SLC5A12: variants seen among roughly 807,000 people sequenced by gnomAD.
SLC5A12 encodes the protein solute carrier family 5 member 12, also known as sodium-coupled monocarboxylate transporter 2.
SLC5A12 carries 46 observed loss-of-function variants against 72.7 expected under a neutral mutation model. The ratio of observed to expected loss-of-function variants is 0.63; its 90% CI spans 0.50 to 0.81. SLC5A12 has a LOEUF of 0.81. Ranked by LOEUF, SLC5A12 falls within the 30% of genes least tolerant of loss-of-function variation. The probability of loss-of-function intolerance (pLI) is 0.00; values close to 1 mark genes in which losing one functional copy is unlikely to be tolerated. For missense variants in SLC5A12, 683 were observed against 740.7 expected (o/e 0.92, Z 0.90); for synonymous variants, 275 against 264.4 (o/e 1.04, Z -0.39).
At chr11:26,712,788 C>T in intron 1 of SLC5A12, 82 bp from the exon 2 acceptor site, 3 of 815,710 alleles carry the variant, frequency 3.7e-6, no homozygotes, top group South Asian at 2.2e-5. Context: ...TTGGTATATC[C>T]TCTGTTGTGC....
intron 11 of SLC5A12, among the ~76,000 whole-genome samples, chr11:26,682,417 T>C (rs1452268717): frequency 6.6e-6 from 1 of 152,136 alleles, no homozygotes; most frequent in African/African-American, 2.4e-5. Context: ...GGTTGATCTA[T>C]AATGGCTAGC....
chr11:26,677,564 A>T (rs1187223491), intron 13 of SLC5A12, among the ~76,000 whole-genome samples: 3 of 152,216 alleles, frequency 2.0e-5, no homozygotes, highest in African/African-American at 7.2e-5. Context: ...TACTAAGGCA[A>T]AATCTAAACA....
intron 14 of SLC5A12, among the ~76,000 whole-genome samples, chr11:26,671,896 C>G (rs545365988): frequency 6.6e-6 from 1 of 152,288 alleles, no homozygotes; most frequent in South Asian, 2.1e-4. Context: ...GCTTAACCAG[C>G]TGCCTTCTCA....
At chr11:26,697,603 G>T (rs981845908) in intron 7 of SLC5A12, among the ~76,000 whole-genome samples, 3 of 152,118 alleles carry the variant, frequency 2.0e-5, no homozygotes, top group Admixed American at 6.5e-5. Context: ...GAAGGCAAAT[G>T]ATTACTTCCC....
At position 26,678,697 on chromosome 11, in the gene SLC5A12, G is replaced by T. The variant is rs752055288; in HGVS notation, c.1579+15C>A. 1 of 1,594,378 alleles carries T rather than the reference G, an allele frequency of 6.3e-7. No individual in the cohort carries two copies. Among genetic ancestry groups the T allele is most frequent in the South Asian group, 1.1e-5 (1 of 90,298 alleles). ...CATATCTTCTTTAGTCCCAAAGGGA[G>T]GAATTATAACCAACCTGTTATGAGG... On this transcript the variant is annotated intron_variant, in intron 13 of 14. Coordinates refer to ENST00000396005, the MANE Select transcript of SLC5A12 (RefSeq NM_178498.4).
chr11:26,722,457 CT>C (rs1368909781), upstream of SLC5A12, among the ~76,000 whole-genome samples: 2 of 152,274 alleles, frequency 1.3e-5, no homozygotes, highest in Admixed American at 6.5e-5. Context: ...CTTCCTGACT[CT>C]CTTTGTCTTG....
chr11:26,706,799 ATATAAT>A lies in SLC5A12; in HGVS notation c.525+2507_525+2512del, dbSNP rs560715654. ...TCTTTTTTCTAAATTTCAAAATGGC[ATATAAT>A]TATAATTATAATTATTGATATATTT... On this transcript the variant is annotated intron_variant, in intron 4 of 14. Transcript: ENST00000396005. 1.6e-4 allele frequency among the ~76,000 whole-genome samples: 24 copies of A among 150,758 alleles called. No homozygotes were observed. The East Asian group carries it at 2.9e-3, about 18-fold the overall frequency.
At chr11:26,688,422 T>C (rs1854588421) in intron 9 of SLC5A12, among the ~76,000 whole-genome samples, 1 of 152,070 alleles carries the variant, frequency 6.6e-6, no homozygotes, top group Non-Finnish European at 1.5e-5. Context: ...CAGCTCTAAC[T>C]CAGAGAGTGA....
chr11:26,708,452 C>A (rs1245226058), intron 4 of SLC5A12, among the ~76,000 whole-genome samples: 1 of 151,942 alleles, frequency 6.6e-6, no homozygotes, highest in African/African-American at 2.4e-5. Flanking sequence ...AAAGATCAGG[C>A]TATTTTAAAA....
chr11:26,720,384 C>T (rs1855452135), intron 1 of SLC5A12, among the ~76,000 whole-genome samples: 3 of 150,584 alleles, frequency 2.0e-5, no homozygotes, highest in Non-Finnish European at 3.0e-5. Flanking sequence ...AAGAAGAGTG[C>T]CTTTTTAAGT....
chr11:26,696,354 G>A (rs1289658951), intron 8 of SLC5A12, among the ~76,000 whole-genome samples: 1 of 152,172 alleles, frequency 6.6e-6, no homozygotes, highest in Non-Finnish European at 1.5e-5. Flanking sequence ...CTTATTTGGG[G>A]AATGGAAGTT....
At chr11:26,674,866 T>C (rs575561488) in intron 13 of SLC5A12, among the ~76,000 whole-genome samples, 37 of 152,328 alleles carry the variant, frequency 2.4e-4, no homozygotes, top group African/African-American at 8.7e-4. Context: ...ACATTTTACA[T>C]AGATTATCAC....
chr11:26,681,596 T>C, intron 11 of SLC5A12, among the ~76,000 whole-genome samples: 1 of 152,182 alleles, frequency 6.6e-6, no homozygotes, highest in Non-Finnish European at 1.5e-5. Flanking sequence ...TTTTTAGTTA[T>C]TGACAGCTTT....
intron 14 of SLC5A12, 126 bp from the exon 15 acceptor site, chr11:26,671,377 C>T (rs1488417859): frequency 1.5e-5 from 10 of 682,380 alleles, no homozygotes; most frequent in Non-Finnish European, 2.3e-5. Flanking sequence ...GCATAAACAA[C>T]TCTGACCTAA....
At chr11:26,687,251 C>T (rs1012770013) in intron 9 of SLC5A12, among the ~76,000 whole-genome samples, 1 of 152,084 alleles carries the variant, frequency 6.6e-6, no homozygotes, top group African/African-American at 2.4e-5. Flanking sequence ...TTTTATACAT[C>T]TTTGTTTAAA....
chr11:26,683,916 T>C (rs1431601320), intron 10 of SLC5A12, 73 bp from the exon 11 acceptor site: 12 of 1,203,328 alleles, frequency 1.0e-5, no homozygotes, highest in East Asian at 2.5e-5. Context: ...CATACCTCTC[T>C]TGGACCTGGG....
At position 26,670,876 on chromosome 11, in the gene SLC5A12, G is replaced by T; in HGVS notation, c.*226C>A. On this transcript the variant is annotated 3_prime_UTR_variant, in exon 15 of 15. Coordinates refer to ENST00000396005, the MANE Select transcript of SLC5A12 (RefSeq NM_178498.4). Reference sequence around the variant, plus strand: ...AAGAAGGAAGTAGTCAAGGGCATTTGGAGCAGGTTGGTTTTTCTCTGTGAA... The same window carrying T: ...AAGAAGGAAGTAGTCAAGGGCATTTTGAGCAGGTTGGTTTTTCTCTGTGAA... The T allele has an allele frequency of 2.7e-6, 1 of 368,484 alleles. No homozygotes were observed. The allele number at this position is 368,484 out of a possible 1,614,324, so 22.8% of individuals were successfully genotyped here. A position where few individuals can be genotyped will look rare whatever the true frequency, so the allele number is the denominator to read the frequency against.
At chr11:26,714,779 T>A (rs1235879209) in intron 1 of SLC5A12, among the ~76,000 whole-genome samples, 2 of 152,108 alleles carry the variant, frequency 1.3e-5, no homozygotes, top group Non-Finnish European at 2.9e-5. Flanking sequence ...GCAAAGGACA[T>A]CTCTTGGCAG....
At chr11:26,684,254 A>G (rs1854476798) in intron 10 of SLC5A12, among the ~76,000 whole-genome samples, 1 of 152,120 alleles carries the variant, frequency 6.6e-6, no homozygotes, top group South Asian at 2.1e-4. Flanking sequence ...GATTAATTTC[A>G]AAGAAGTCAA....
Sources: gnomAD v4.1 joint callset for allele counts (sites outside exome capture counted in the v4.1 genomes callset) on GRCh38, gnomAD v4.1.1 for gene constraint, MANE v1.5 for transcripts, NCBI Gene and HGNC (gene_info 2026-07-23, HGNC 2026-07-21) for gene names.